The following LNX2 variants were observed in gnomAD, a reference collection of about 807,000 sequenced individuals.
LNX2 encodes the protein ligand of Numb protein X 2.
Under a neutral mutation model 66.2 loss-of-function variants are expected in LNX2, and 35 were observed. The ratio of observed to expected loss-of-function variants is 0.53; its 90% CI spans 0.40 to 0.70. The LOEUF is 0.70. LNX2 is among the 30% of genes least tolerant of loss of function. The pLI is 0.00. For synonymous variants in LNX2, 337 were observed against 315.6 expected, an observed-to-expected ratio of 1.07 and a Z score of -0.72; for missense variants, 791 against 850.8, an observed-to-expected ratio of 0.93 and a Z score of 0.87.
At chr13:27,578,696 T>C (rs1228027706) in intron 2 of LNX2, among the ~76,000 whole-genome samples, 1 of 152,176 alleles carries the variant, frequency 6.6e-6, no homozygotes, top group Non-Finnish European at 1.5e-5. Flanking sequence ...CTGTAGCCTC[T>C]CCAGCTGACA....
intron 1 of LNX2, among the ~76,000 whole-genome samples, chr13:27,610,644 G>GGACT (rs1955762438): frequency 6.6e-6 from 1 of 151,972 alleles, no homozygotes; most frequent in Non-Finnish European, 1.5e-5. Context: ...TAGACAAATG[G>GGACT]GACTACATTA....
Position 27,581,699 on chromosome 13 carries a change from C to A in LNX2, c.5G>T (p.Gly2Val). 1.9e-6 allele frequency: 3 copies of A among 1,594,596 alleles called. No homozygotes were observed. Among genetic ancestry groups the A allele is most frequent in the South Asian group, 1.1e-5 (1 of 87,616 alleles). Residue 2 changes from glycine (G) to valine (V), a missense_variant, in exon 2 of 10, where the codon GGA (glycine) becomes GTA (valine). Transcript: ENST00000316334. M[G>V]TTSDEMVSVE... ...AGACACCATCTCATCACTTGTTGTT[C>A]CCATTTTGAATCAATTCTGTATCCT...
chr13:27,605,589 GTCTGGTTTCCAA>G (rs1955705476), intron 1 of LNX2, among the ~76,000 whole-genome samples: 1 of 152,174 alleles, frequency 6.6e-6, no homozygotes, highest in Non-Finnish European at 1.5e-5. Flanking sequence ...GATCAAAGAA[GTCTGGTTTCCAA>G]TCATAGGTAA....
chr13:27,605,285 G>C (rs771459259), intron 1 of LNX2, among the ~76,000 whole-genome samples: 3 of 152,166 alleles, frequency 2.0e-5, no homozygotes, highest in African/African-American at 7.2e-5. Flanking sequence ...GATAATGCAA[G>C]CAACAGGCTT....
At chr13:27,575,185 T>C (rs1955329174) in intron 2 of LNX2, among the ~76,000 whole-genome samples, 1 of 152,170 alleles carries the variant, frequency 6.6e-6, no homozygotes, top group South Asian at 2.1e-4. Flanking sequence ...TCCTATCTGA[T>C]TTAAAAGAAA....
At chr13:27,548,621 C>T (rs544178951) in intron 9 of LNX2, 151 bp from the exon 10 acceptor site, 1 of 866,710 alleles carries the variant, frequency 1.2e-6, no homozygotes, top group Non-Finnish European at 1.7e-6. Context: ...TGGGACAGCC[C>T]TTAAGCCTAT....
intron 1 of LNX2, among the ~76,000 whole-genome samples, chr13:27,604,449 G>T (rs1593263640): frequency 1.3e-5 from 2 of 152,216 alleles, no homozygotes; most frequent in African/African-American, 4.8e-5. Flanking sequence ...GAGGGATTTA[G>T]TGGAAGTCCT....
chr13:27,598,344 G>A (rs1255016530), intron 1 of LNX2, among the ~76,000 whole-genome samples: 3 of 151,960 alleles, frequency 2.0e-5, no homozygotes, highest in African/African-American at 7.2e-5. Flanking sequence ...GAAAAAACAA[G>A]AACACAGGAC....
chr13:27,588,781 T>A (rs1288316733), intron 1 of LNX2, among the ~76,000 whole-genome samples: 1 of 152,202 alleles, frequency 6.6e-6, no homozygotes, highest in Non-Finnish European at 1.5e-5. Flanking sequence ...ATGTTAGTAA[T>A]GAAAATTCAA....
chr13:27,563,160 T>G (rs1420054292), intron 4 of LNX2, among the ~76,000 whole-genome samples: 3 of 152,166 alleles, frequency 2.0e-5, no homozygotes, highest in Admixed American at 2.0e-4. Context: ...AATGAACAGA[T>G]TAACATGGGG....
rs1955397588 is a variant in LNX2 at position 27,581,492 on chromosome 13, T to C, written c.212A>G (p.Tyr71Cys). 5.6e-6 allele frequency: 9 copies of C among 1,612,466 alleles called. No homozygotes were observed. The highest frequency in any genetic ancestry group is 6.8e-6 in the Non-Finnish European group (8 of 1,178,974). ...TTGTAAAAAGTTTCTGAGGCACTTG[T>C]AGCAGAATGTATGTCCACAGGGTGT... ...LDTPCGHTFC[Y>C]KCLRNFLQEK... The change falls in exon 2 of 10, where the codon TAC becomes TGC. Residue 71 changes from tyrosine (Y) to cysteine (C), a missense_variant. Transcript: ENST00000316334.
intron 5 of LNX2, among the ~76,000 whole-genome samples, chr13:27,560,563 G>GTATATATATATATATATATATATATATA (rs1382726431): frequency 3.9e-5 from 2 of 50,830 alleles, no homozygotes; most frequent in Admixed American, 1.5e-4. Context: ...ATATGTATGT[G>GTATATATATATATATATATATATATATA]TGTATATATA....
intron 1 of LNX2, among the ~76,000 whole-genome samples, chr13:27,583,877 C>G (rs115108851): frequency 3.0e-4 from 45 of 152,094 alleles, no homozygotes; most frequent in African/African-American, 1.1e-3. Flanking sequence ...ATGAAAAGAA[C>G]TGGCATCTAA....
Position 27,581,521 on chromosome 13 carries a change from T to C in LNX2, c.183A>G (p.Leu61=), listed in dbSNP as rs772569622. ...AGAATGTATGTCCACAGGGTGTGTC[T>C]AGTGGCTGCAGCAGAGGTTGAAGGC... is the stretch of plus-strand genomic sequence containing the variant. ...HICLQPLLQP[L]DTPCGHTFCY... is the part of the protein sequence containing the mutation. Residue 61 remains leucine, a synonymous_variant, in exon 2 of 10, where the codon CTA becomes CTG. Coordinates refer to ENST00000316334, the MANE Select transcript of LNX2 (RefSeq NM_153371.4). The C allele has an allele frequency of 6.2e-7, 1 of 1,614,192 alleles. No homozygotes were observed. Among genetic ancestry groups the C allele is most frequent in the South Asian group, 1.1e-5 (1 of 91,084 alleles).
rs1955110002 is a variant in LNX2 at position 27,559,942 on chromosome 13, T to A, written c.1268A>T (p.Lys423Ile). ...TCTAATGGTGTTACCAGGCTGGGGT[T>A]TCCCTGGTCTAGCAATTGTTAAATT... ...RVNLTIARPG[K>I]PQPGNTIREA... is the part of the protein sequence containing the mutation. The change falls in exon 6 of 10, where the codon AAA (lysine) becomes ATA (isoleucine). Residue 423 changes from lysine to isoleucine, a missense_variant. Coordinates refer to ENST00000316334, the MANE Select transcript of LNX2 (RefSeq NM_153371.4). 1 of 1,611,182 alleles carries A rather than the reference T, an allele frequency of 6.2e-7. No individual in the cohort carries two copies. Among genetic ancestry groups the A allele is most frequent in the African/African-American group, 1.3e-5 (1 of 74,784 alleles).
intron 1 of LNX2, among the ~76,000 whole-genome samples, chr13:27,612,620 CAG>C (rs904353209): frequency 2.6e-5 from 4 of 152,216 alleles, no homozygotes; most frequent in African/African-American, 9.6e-5. Flanking sequence ...CATTTTGAGA[CAG>C]AGTCTCACTC....
intron 1 of LNX2, among the ~76,000 whole-genome samples, chr13:27,588,945 C>T (rs1024393960): frequency 2.6e-5 from 4 of 152,100 alleles, no homozygotes; most frequent in African/African-American, 9.7e-5. Context: ...CTGTCATGAG[C>T]TCACATGTGA....
At chr13:27,554,066 G>A (rs1955033258) in intron 7 of LNX2, among the ~76,000 whole-genome samples, 1 of 152,178 alleles carries the variant, frequency 6.6e-6, no homozygotes, top group South Asian at 2.1e-4. Flanking sequence ...GTTAGGAAAG[G>A]ATTAGTTTTG....
At chr13:27,586,031 TATATACTTATATATAC>T (rs1457765793) in intron 1 of LNX2, among the ~76,000 whole-genome samples, 16 of 148,326 alleles carry the variant, frequency 1.1e-4, no homozygotes, top group African/African-American at 3.7e-4. Flanking sequence ...TACATACATA[TATATACTTATATATAC>T]ATATACTTAT....
Sources: gnomAD v4.1 joint callset for allele counts (sites outside exome capture counted in the v4.1 genomes callset) on GRCh38, gnomAD v4.1.1 for gene constraint, MANE v1.5 for transcripts, NCBI Gene and HGNC (gene_info 2026-07-23, HGNC 2026-07-21) for gene names.